Variants in PHACTR3 observed in about 807,000 individuals in gnomAD.
PHACTR3 encodes phosphatase and actin regulator 3.
Under a neutral mutation model 66.8 loss-of-function variants are expected in PHACTR3, and 16 were observed. That is an observed-to-expected ratio of 0.24 (90% CI 0.16 to 0.36). The LOEUF (loss-of-function observed/expected upper bound fraction) is 0.36. PHACTR3 is among the 10% of genes least tolerant of loss of function. PHACTR3 has a pLI of 1.00. For missense variants in PHACTR3, 647 were observed against 719.9 expected (o/e 0.90, Z 1.16); for synonymous variants, 323 against 292.1 (o/e 1.11, Z -1.08).
chr20:59,801,449 G>A (rs1049803615), intron 7 of PHACTR3, among the ~76,000 whole-genome samples: 1 of 152,256 alleles, frequency 6.6e-6, no homozygotes, highest in African/African-American at 2.4e-5. Context: ...AGAAGTTAAT[G>A]TCATAGCTTT....
rs564299924 is a variant in PHACTR3, at chr20:59,845,923, A to G, written c.1664+658A>G. Among the ~76,000 whole-genome samples, 9 of 152,276 alleles carry G rather than the reference A, an allele frequency of 5.9e-5. No homozygotes were observed. The South Asian group carries it at 1.9e-3, about 32-fold the overall frequency. ...AGGGATGACACTGGGCTTCTTAGTGATGACGAAGTTGGGAAAAGATTTAAC... is the reference window on the plus strand; with the variant it reads ...AGGGATGACACTGGGCTTCTTAGTGGTGACGAAGTTGGGAAAAGATTTAAC... On this transcript the variant is annotated intron_variant, in intron 12 of 12. Transcript: ENST00000371015.
At position 59,743,104 on chromosome 20, in the gene PHACTR3, C is replaced by T. The variant is rs2039229308; in HGVS notation, c.119-3C>T. The T allele has an allele frequency of 1.9e-6, 3 of 1,611,104 alleles. No individual in the cohort carries two copies. The highest frequency in any genetic ancestry group is 2.7e-5 in the African/African-American group (2 of 74,762). On this transcript the variant is annotated splice_polypyrimidine_tract_variant and splice_region_variant and intron_variant, in intron 1 of 12. Transcript: ENST00000371015. ...GAGGACCCCCTTGGTTTTCGTCTTC[C>T]AGATGAGATGGACCAAACGCCCCCG... is the stretch of plus-strand genomic sequence containing the variant.
At chr20:59,624,412 C>A (rs1000319538) in intron 1 of PHACTR3, among the ~76,000 whole-genome samples, 1 of 152,140 alleles carries the variant, frequency 6.6e-6, no homozygotes, top group African/African-American at 2.4e-5. Flanking sequence ...GGTCCCTTCC[C>A]AGAGCTCCTG....
chr20:59,770,152 CA>C (rs2146880119), intron 5 of PHACTR3, among the ~76,000 whole-genome samples: 1 of 152,340 alleles, frequency 6.6e-6, no homozygotes, highest in African/African-American at 2.4e-5. Context: ...GTTCTGTCCC[CA>C]GTCTGCGGAC....
intron 1 of PHACTR3, among the ~76,000 whole-genome samples, chr20:59,705,201 G>A (rs996316740): frequency 2.6e-5 from 4 of 151,944 alleles, no homozygotes; most frequent in East Asian, 1.9e-4. Context: ...AAAGTGATCC[G>A]CCCGCCTCAG....
chr20:59,752,419 G>A (rs988825768), intron 3 of PHACTR3, among the ~76,000 whole-genome samples: 11 of 152,184 alleles, frequency 7.2e-5, no homozygotes, highest in African/African-American at 2.7e-4. Flanking sequence ...GAGGAGCAGG[G>A]CCTGGGCTCC....
intron 7 of PHACTR3, among the ~76,000 whole-genome samples, chr20:59,791,453 G>A (rs2041092082): frequency 6.6e-6 from 1 of 152,176 alleles, no homozygotes; most frequent in Non-Finnish European, 1.5e-5. Context: ...AGGTTGAAGG[G>A]TGGCTCTGAC....
At chr20:59,628,590 T>G in intron 1 of PHACTR3, 1 of 984,454 alleles carries the variant, frequency 1.0e-6, no homozygotes, top group Non-Finnish European at 1.2e-6. Flanking sequence ...CTCCCCGAGT[T>G]CTGTTTGACA....
chr20:59,625,334 T>C (rs2034406983), intron 1 of PHACTR3, among the ~76,000 whole-genome samples: 1 of 152,040 alleles, frequency 6.6e-6, no homozygotes, highest in African/African-American at 2.4e-5. Flanking sequence ...GAATGGTCTC[T>C]GTGGGCACGG....
At chr20:59,688,213 T>TA (rs1329366021) in intron 1 of PHACTR3, among the ~76,000 whole-genome samples, 4 of 152,208 alleles carry the variant, frequency 2.6e-5, no homozygotes, top group Admixed American at 2.0e-4. Flanking sequence ...AAACATAGTG[T>TA]ACATTATCAT....
At chr20:59,658,499 T>A (rs1740616491) in intron 1 of PHACTR3, among the ~76,000 whole-genome samples, 3 of 152,206 alleles carry the variant, frequency 2.0e-5, no homozygotes, top group Non-Finnish European at 4.4e-5. Context: ...AGGAATAGGC[T>A]ATTTTAGTGT....
intron 4 of PHACTR3, among the ~76,000 whole-genome samples, chr20:59,764,586 A>C (rs1253071604): frequency 1.3e-5 from 2 of 152,192 alleles, no homozygotes; most frequent in Non-Finnish European, 2.9e-5. Flanking sequence ...TAAATAGGTC[A>C]AACGTATGGA....
At chr20:59,601,048 T>C (rs2033466151), upstream of PHACTR3, among the ~76,000 whole-genome samples, 1 of 152,168 alleles carries the variant, frequency 6.6e-6, no homozygotes, top group South Asian at 2.1e-4. Context: ...TACAGAGTTA[T>C]GAAACCATCA....
At chr20:59,667,464 C>T (rs1266855206) in intron 1 of PHACTR3, among the ~76,000 whole-genome samples, 2 of 152,216 alleles carry the variant, frequency 1.3e-5, no homozygotes, top group African/African-American at 4.8e-5. Flanking sequence ...CTTGAAGACC[C>T]TTGGTCTAAG....
At chr20:59,592,761 C>T (rs1399557698) in intron 1 of PHACTR3, among the ~76,000 whole-genome samples, 1 of 152,206 alleles carries the variant, frequency 6.6e-6, no homozygotes, top group Non-Finnish European at 1.5e-5. Flanking sequence ...GTGGCCTTTT[C>T]AGATTGGTTT....
At chr20:59,843,631 T>C (rs1305189805) in intron 11 of PHACTR3, 1 of 152,072 alleles carries the variant, frequency 6.6e-6, no homozygotes, top group African/African-American at 2.4e-5. Context: ...GATATCCATA[T>C]GGCAAAAGAA....
chr20:59,676,544 C>G (rs1464877339), intron 1 of PHACTR3: 4 of 181,916 alleles, frequency 2.2e-5, no homozygotes, highest in African/African-American at 7.2e-5. Flanking sequence ...AAAATGCAGA[C>G]AGGAGCTTCC....
rs992156429 is a variant in PHACTR3 at position 59,830,964 on chromosome 20, G to A, written c.1329-5541G>A. On this transcript the variant is annotated intron_variant, in intron 8 of 12. Coordinates refer to ENST00000371015, the MANE Select transcript of PHACTR3 (RefSeq NM_080672.5). This position sits in a 1 kb window ranked among gnomAD's most constrained non-coding sequence, Gnocchi z 5.8. ...ATCATGACTCCTGGAGCCTCTCCAG[G>A]CGTCCTGACTGTCCAGGCTGTCGGC... Among the ~76,000 whole-genome samples, 1 of 151,606 alleles carries A rather than the reference G, an allele frequency of 6.6e-6. No homozygotes were observed. Among genetic ancestry groups the A allele is most frequent in the African/African-American group, 2.4e-5 (1 of 40,938 alleles).
At chr20:59,705,615 A>T (rs569347370) in intron 1 of PHACTR3, among the ~76,000 whole-genome samples, 17 of 148,858 alleles carry the variant, frequency 1.1e-4, no homozygotes, top group Non-Finnish European at 1.8e-4. Flanking sequence ...TTGGTTCATC[A>T]GCTGCTCAAA....
Sources: gnomAD v4.1 joint callset for allele counts (sites outside exome capture counted in the v4.1 genomes callset) on GRCh38, gnomAD v4.1.1 for gene constraint, Gnocchi (gnomAD v3.1) non-coding constraint, MANE v1.5 for transcripts, NCBI Gene and HGNC (gene_info 2026-07-23, HGNC 2026-07-21) for gene names.